The following TENM2 variants were observed in gnomAD, a reference collection of about 807,000 sequenced individuals.
TENM2 encodes the protein teneurin-2.
A neutral mutation model predicts 245.2 loss-of-function variants in TENM2; 52 were observed. That is an observed-to-expected ratio of 0.21 (90% CI 0.17 to 0.27). TENM2 has a LOEUF of 0.27. TENM2 is among the 10% of genes least tolerant of loss of function. TENM2 has a pLI of 1.00. For synonymous variants in TENM2, 1,363 were observed against 1,438.9 expected (o/e 0.95, Z 1.19); for missense variants, 3,046 against 3,666.8 (o/e 0.83, Z 4.37).
At chr5:167,371,456 G>T (rs1263971715) in intron 1 of TENM2, among the ~76,000 whole-genome samples, 1 of 151,326 alleles carries the variant, frequency 6.6e-6, no homozygotes. Flanking sequence ...CCGCCTTCCG[G>T]GTTCAAGCGA....
chr5:167,457,914 C>G (rs1038473295), intron 2 of TENM2, among the ~76,000 whole-genome samples: 14 of 151,998 alleles, frequency 9.2e-5, no homozygotes, highest in Admixed American at 2.0e-4. Context: ...AAATATTTAC[C>G]AAACATGCAT....
intron 4 of TENM2, among the ~76,000 whole-genome samples, chr5:167,972,771 A>T (rs925174703): frequency 6.6e-6 from 1 of 152,222 alleles, no homozygotes; most frequent in Non-Finnish European, 1.5e-5. Context: ...TTTCAGACAT[A>T]GAATTAAGAG....
At chr5:167,929,121 GA>G (rs1186293512) in intron 3 of TENM2, among the ~76,000 whole-genome samples, 1 of 73,842 alleles carries the variant, frequency 1.4e-5, no homozygotes, top group Admixed American at 1.7e-4. Context: ...AAGAAAGAAA[GA>G]AAGAAAGAAA....
At chr5:167,214,752 G>T in the TENM2 span, among the ~76,000 whole-genome samples, 1 of 152,116 alleles carries the variant, frequency 6.6e-6, no homozygotes, top group Non-Finnish European at 1.5e-5. Context: ...AAGACTAAGG[G>T]ACCCGATGAA....
At chr5:168,090,258 ACACACGATG>A (rs1333845519) in intron 7 of TENM2, among the ~76,000 whole-genome samples, 1 of 147,652 alleles carries the variant, frequency 6.8e-6, no homozygotes, top group African/African-American at 2.5e-5. Context: ...ACACACACAC[ACACACGATG>A]CACACATACA....
chr5:168,058,300 T>C (rs901194086), intron 6 of TENM2, among the ~76,000 whole-genome samples: 3 of 152,200 alleles, frequency 2.0e-5, no homozygotes, highest in African/African-American at 4.8e-5. Flanking sequence ...TCCAGTTCAA[T>C]AAGCATTTAT....
chr5:167,568,225 TA>T (rs1487206090), intron 2 of TENM2, among the ~76,000 whole-genome samples: 3 of 152,030 alleles, frequency 2.0e-5, no homozygotes, highest in African/African-American at 7.2e-5. Flanking sequence ...GTAGAAAAAA[TA>T]TTTTTGGTTG....
chr5:167,116,729 T>C, the TENM2 span: 1 of 152,168 alleles, frequency 6.6e-6, no homozygotes, highest in South Asian at 2.1e-4. Context: ...GAATGTGAAG[T>C]AACGCAAAAC....
At chr5:168,104,725 G>A (rs200180010) in intron 9 of TENM2, among the ~76,000 whole-genome samples, 17 of 152,176 alleles carry the variant, frequency 1.1e-4, no homozygotes, top group Admixed American at 3.9e-4. Context: ...GTCAGCATGC[G>A]TTTGCAAGAG....
chr5:167,183,076 G>A, the TENM2 span, among the ~76,000 whole-genome samples: 1 of 151,982 alleles, frequency 6.6e-6, no homozygotes, highest in Non-Finnish European at 1.5e-5. Flanking sequence ...ATACAATTTA[G>A]GCAAGGTTGC....
chr5:167,622,584 A>C (rs868540042), intron 2 of TENM2, among the ~76,000 whole-genome samples: 6 of 152,144 alleles, frequency 3.9e-5, no homozygotes, highest in African/African-American at 1.4e-4. Context: ...TATAGAGCAG[A>C]GGAAAAGAAT....
At chr5:167,936,779 A>G (rs1409914301) in intron 3 of TENM2, among the ~76,000 whole-genome samples, 1 of 152,070 alleles carries the variant, frequency 6.6e-6, no homozygotes, top group Non-Finnish European at 1.5e-5. Flanking sequence ...AAAATTTCCC[A>G]TGTTCTCCTT....
At chr5:167,973,293 T>C (rs1218662695) in intron 4 of TENM2, among the ~76,000 whole-genome samples, 4 of 152,222 alleles carry the variant, frequency 2.6e-5, no homozygotes, top group African/African-American at 9.6e-5. Context: ...AGTTACTTTA[T>C]CTGAAACTCT....
At chr5:167,738,859 C>G (rs1277165950) in intron 2 of TENM2, among the ~76,000 whole-genome samples, 1 of 152,126 alleles carries the variant, frequency 6.6e-6, no homozygotes, top group African/African-American at 2.4e-5. Context: ...GATTAGGGCC[C>G]ACCTGAAAGT....
At chr5:167,277,456 T>C in the TENM2 span, among the ~76,000 whole-genome samples, 2 of 152,176 alleles carry the variant, frequency 1.3e-5, no homozygotes. Flanking sequence ...TTTTATTCCA[T>C]TGTTGTCAGG....
At position 168,261,668 on chromosome 5, in the gene TENM2, G is replaced by A. The variant is rs372392427; in HGVS notation, c.7564-381G>A. Reference sequence around the variant, plus strand: ...GCATCAGGACATTCCTGGGTCTAAAGCGGGCAAGGCAGTTGCCAACCATCA... The same window carrying A: ...GCATCAGGACATTCCTGGGTCTAAAACGGGCAAGGCAGTTGCCAACCATCA... On this transcript the variant is annotated intron_variant, in intron 28 of 28. Transcript: ENST00000518659. Among the ~76,000 whole-genome samples, 54 of 152,358 alleles carry A rather than the reference G, an allele frequency of 3.5e-4. 1 individual carries two copies. The highest frequency in any genetic ancestry group is 1.2e-3 in the African/African-American group (51 of 41,580).
At chr5:167,832,503 G>A (rs191086181) in intron 2 of TENM2, among the ~76,000 whole-genome samples, 145 of 152,332 alleles carry the variant, frequency 9.5e-4, no homozygotes, top group Admixed American at 3.9e-3. Flanking sequence ...AAAACAGAAA[G>A]TTGCAGAGCA....
chr5:167,532,340 G>A (rs955398772), intron 2 of TENM2, among the ~76,000 whole-genome samples: 9 of 151,636 alleles, frequency 5.9e-5, no homozygotes, highest in East Asian at 3.9e-4. Context: ...AAATTAGCCC[G>A]TTTTCAAGTT....
intron 2 of TENM2, among the ~76,000 whole-genome samples, chr5:167,566,256 A>G (rs1057482283): frequency 1.3e-5 from 2 of 152,064 alleles, no homozygotes; most frequent in African/African-American, 4.8e-5. Context: ...GTTTAAATGC[A>G]GAATTTCTTT....
Sources: allele counts gnomAD v4.1 joint callset (sites outside exome capture counted in the v4.1 genomes callset), GRCh38; gene constraint gnomAD v4.1.1; transcripts MANE v1.5; gene names NCBI Gene and HGNC (gene_info 2026-07-23, HGNC 2026-07-21).